IGDCC4: variants seen among roughly 807,000 people sequenced by gnomAD.
IGDCC4 encodes immunoglobulin superfamily DCC subclass member 4.
In IGDCC4, 72 loss-of-function variants were observed where a neutral mutation model predicts 116.6. That is an observed-to-expected ratio of 0.62 (90% CI 0.51 to 0.75). IGDCC4 has a LOEUF of 0.75. Ranked by LOEUF, IGDCC4 falls within the 30% of genes least tolerant of loss-of-function variation. The probability of loss-of-function intolerance (pLI) is 0.00; values close to 1 mark genes in which losing one functional copy is unlikely to be tolerated. For missense variants in IGDCC4, 1,501 were observed against 1,662.4 expected (o/e 0.90, Z 1.69); for synonymous variants, 709 against 719.9 (o/e 0.98, Z 0.24).
In IGDCC4 at chr15:65,384,136, G is replaced by A; in HGVS notation, c.3626C>T (p.Ser1209Phe). ...CTCGCCTGGCTGGAGGTCCGGGTAG[G>A]AGCAGGAAGCACTGGCTGCCTCTGG... ...CLPEAASASC[S>F]YPDLQPGEVL... is the part of the protein sequence containing the mutation. The change falls in exon 20 of 20, where the codon TCC becomes TTC. Residue 1209 changes from serine (S) to phenylalanine (F), a missense_variant. Ser to Phe is a radical substitution (Grantham distance 155). This residue lies in a region of IGDCC4 where 368 missense variants were observed against 355.6 expected (regional missense o/e 1.03). Transcript: ENST00000352385. This position sits in a 1 kb window ranked among gnomAD's most constrained non-coding sequence, Gnocchi z 4.9. 2 of 1,613,588 alleles carry A rather than the reference G, an allele frequency of 1.2e-6. No individual in the cohort carries two copies. The highest frequency in any genetic ancestry group is 1.7e-6 in the Non-Finnish European group (2 of 1,179,784).
chr15:65,413,366 C>G (rs2140236772), intron 1 of IGDCC4, among the ~76,000 whole-genome samples: 2 of 152,200 alleles, frequency 1.3e-5, no homozygotes, highest in Middle Eastern at 6.8e-3. Context: ...AGGCCAGAGC[C>G]AGGACTCAGG....
rs993389989 is a variant in IGDCC4 at position 65,382,725 on chromosome 15, G to C, written c.*1284C>G. 6.6e-6 allele frequency: 1 copy of C among 152,130 alleles called. No individual in the cohort carries two copies. Among genetic ancestry groups the C allele is most frequent in the African/African-American group, 2.4e-5 (1 of 41,426 alleles). 9.4% of individuals were successfully genotyped at this position (152,130 alleles called of 1,614,324 possible). A position where few individuals can be genotyped will look rare whatever the true frequency, so the allele number is the denominator to read the frequency against. On this transcript the variant is annotated 3_prime_UTR_variant, in exon 20 of 20. Transcript: ENST00000352385. Reference sequence around the variant, plus strand: ...TCCTTGCCAGCACCCCAGAGGGTGAGATTCCTGTCATCCCCAATCCAGATC... The same window carrying C: ...TCCTTGCCAGCACCCCAGAGGGTGACATTCCTGTCATCCCCAATCCAGATC...
In IGDCC4 at chr15:65,388,537, G is replaced by A. The variant is rs2091482374; in HGVS notation, c.2757C>T (p.Tyr919=). 1 of 1,614,052 alleles carries A rather than the reference G, an allele frequency of 6.2e-7. No homozygotes were observed. Among genetic ancestry groups the A allele is most frequent in the South Asian group, 1.1e-5 (1 of 91,094 alleles). The change falls in exon 16 of 20, where the codon TAC becomes TAT. Residue 919 remains tyrosine (Y), a synonymous_variant. Transcript: ENST00000352385. ...EVHGLESDTR[Y]FFKMGARTEV... ...CTGTGCGCGCCCCCATCTTGAAGAA[G>A]TACCGAGTGTCGCTCTCCAGGCCAT...
intron 1 of IGDCC4, among the ~76,000 whole-genome samples, chr15:65,416,136 CTTT>C (rs60072640): frequency 1.3e-5 from 1 of 77,606 alleles, no homozygotes; most frequent in Non-Finnish European, 2.3e-5. Context: ...AATGTTTTGA[CTTT>C]TTTTTTTTTT....
At chr15:65,422,150 T>A (rs1250039163) in intron 1 of IGDCC4, among the ~76,000 whole-genome samples, 1 of 151,312 alleles carries the variant, frequency 6.6e-6, no homozygotes, top group African/African-American at 2.4e-5. Flanking sequence ...GAGCAACACC[T>A]CCCTCTACCC....
At chr15:65,397,929 G>A (rs2062942974) in intron 5 of IGDCC4, among the ~76,000 whole-genome samples, 1 of 152,180 alleles carries the variant, frequency 6.6e-6, no homozygotes, top group African/African-American at 2.4e-5. Context: ...AAATCCAACA[G>A]CAGGAACTGG....
intron 7 of IGDCC4, 152 bp from the exon 8 acceptor site, chr15:65,395,410 G>C: frequency 1.3e-6 from 1 of 789,262 alleles, no homozygotes; most frequent in Non-Finnish European, 1.9e-6. Context: ...AACTCCCTCA[G>C]CTTCCTGTCT....
intron 3 of IGDCC4, among the ~76,000 whole-genome samples, chr15:65,406,600 A>G (rs542782055): frequency 1.3e-5 from 2 of 152,290 alleles, no homozygotes; most frequent in East Asian, 3.9e-4. Flanking sequence ...CCTTCAAACC[A>G]CTGGGCTGAG....
rs1168364941 is a variant in IGDCC4, at chr15:65,389,312, A to G, written c.2508T>C (p.Ser836=). 6.2e-7 allele frequency: 1 copy of G among 1,614,118 alleles called. No individual in the cohort carries two copies. The highest frequency in any genetic ancestry group is 8.5e-7 in the Non-Finnish European group (1 of 1,180,026). The change falls in exon 14 of 20, where the codon TCT becomes TCC. Residue 836 remains serine (S), a synonymous_variant. Transcript: ENST00000352385. The part of the protein sequence containing the change: ...HGVDMDGPFG[S]VVERSTLPDR... ...CAGGCAGGGTGGAGCGCTCCACCACAGAGCCGAAAGGCCCATCCATGTCCA... is the reference window on the plus strand; with the variant it reads ...CAGGCAGGGTGGAGCGCTCCACCACGGAGCCGAAAGGCCCATCCATGTCCA...
At chr15:65,422,764 C>A (rs1197014185) in intron 1 of IGDCC4, 29 bp downstream of exon 1, 2 of 1,332,032 alleles carry the variant, frequency 1.5e-6, no homozygotes, top group East Asian at 3.2e-5. Context: ...TCCGCAGTCG[C>A]TCCTGCCTCT....
chr15:65,418,189 C>T (rs1025300431), intron 1 of IGDCC4, among the ~76,000 whole-genome samples: 5 of 152,172 alleles, frequency 3.3e-5, no homozygotes, highest in Non-Finnish European at 7.3e-5. Flanking sequence ...TAGCACACTG[C>T]GTGGCACCCA....
rs894807989 is a variant in IGDCC4, at chr15:65,419,679, A to G, written c.70+3114T>C. Among the ~76,000 whole-genome samples, 5 of 152,324 alleles carry G rather than the reference A, an allele frequency of 3.3e-5. No homozygotes were observed. The East Asian group carries it at 9.6e-4, about 29-fold the overall frequency. ...GGGATGGGGGAGGTGAGGAGTTCCC[A>G]GGTGAGGAGAAAGCTCTCAAGTTCT... On this transcript the variant is annotated intron_variant, in intron 1 of 19. Coordinates refer to ENST00000352385, the MANE Select transcript of IGDCC4 (RefSeq NM_020962.3).
Position 65,390,452 on chromosome 15 carries a change from GAGT to G in IGDCC4, c.2225-117_2225-115del. 7 of 796,706 alleles carry G rather than the reference GAGT, an allele frequency of 8.8e-6. No individual in the cohort carries two copies. In the South Asian group the frequency reaches 2.6e-4, roughly 30 times the overall value. 49.4% of individuals were successfully genotyped at this position (796,706 alleles called of 1,614,324 possible). A position where few individuals can be genotyped will look rare whatever the true frequency, so the allele number is the denominator to read the frequency against. On this transcript the variant is annotated intron_variant, in intron 12 of 19. Coordinates refer to ENST00000352385, the MANE Select transcript of IGDCC4 (RefSeq NM_020962.3). The stretch of plus-strand genomic sequence containing the variant: ...CTTTGACCCACTCCTTTGATCCTGT[GAGT>G]TGAGTGGCATCATTCCTACTTCACA...
At chr15:65,410,067 G>T in intron 3 of IGDCC4, 111 bp downstream of exon 3, 1 of 1,299,426 alleles carries the variant, frequency 7.7e-7, no homozygotes, top group Non-Finnish European at 1.1e-6. Flanking sequence ...TAACACTCAA[G>T]TCAGCTTAGG....
At position 65,384,920 on chromosome 15, in the gene IGDCC4, C is replaced by T; in HGVS notation, c.3342+34G>A. 2 of 1,577,250 alleles carry T rather than the reference C, an allele frequency of 1.3e-6. No individual in the cohort carries two copies. Among genetic ancestry groups the T allele is most frequent in the African/African-American group, 1.6e-5 (1 of 61,154 alleles). The stretch of plus-strand genomic sequence containing the variant: ...TCTTCACAAGCACAGAGACCCTTTC[C>T]TCCTTTCCTGCCCCTTCCTTCCAGG... On this transcript the variant is annotated intron_variant, in intron 19 of 19. Coordinates refer to ENST00000352385, the MANE Select transcript of IGDCC4 (RefSeq NM_020962.3). This position sits in a 1 kb window ranked among gnomAD's most constrained non-coding sequence, Gnocchi z 4.9.
chr15:65,394,297 T>C (rs1281981912), intron 9 of IGDCC4, 114 bp downstream of exon 9: 6 of 1,519,712 alleles, frequency 3.9e-6, no homozygotes, highest in Non-Finnish European at 5.3e-6. Context: ...CCCCAACCCC[T>C]ACTCTGCTTC....
Position 65,395,390 on chromosome 15 carries a change from G to A in IGDCC4, c.1412-132C>T. 10 of 939,856 alleles carry A rather than the reference G, an allele frequency of 1.1e-5. No homozygotes were observed. The South Asian group carries it at 2.0e-4, about 19-fold the overall frequency. The allele number at this position is 939,856 out of a possible 1,614,324, so 58.2% of individuals were successfully genotyped here. ...TAAATCATCCCAGATAATCTGAGCT[G>A]GAGTGTATAAACTCCCTCAGCTTCC... On this transcript the variant is annotated intron_variant, in intron 7 of 19. Transcript: ENST00000352385.
intron 5 of IGDCC4, among the ~76,000 whole-genome samples, chr15:65,397,764 G>A (rs1002340865): frequency 2.6e-5 from 4 of 152,138 alleles, no homozygotes; most frequent in African/African-American, 9.7e-5. Flanking sequence ...GCTGGAGAAA[G>A]GGCCATAAAG....
At chr15:65,415,705 G>T (rs1459951932) in intron 1 of IGDCC4, among the ~76,000 whole-genome samples, 1 of 152,120 alleles carries the variant, frequency 6.6e-6, no homozygotes, top group African/African-American at 2.4e-5. Flanking sequence ...GACTTTTTGG[G>T]GATGAACCAG....
Sources: allele counts gnomAD v4.1 joint callset (sites outside exome capture counted in the v4.1 genomes callset), GRCh38; gene constraint gnomAD v4.1.1; regional missense constraint gnomAD v4.1.1; non-coding constraint Gnocchi (gnomAD v3.1); transcripts MANE v1.5; gene names NCBI Gene and HGNC (gene_info 2026-07-23, HGNC 2026-07-21).